Variants in RGSL1 observed in about 807,000 individuals in gnomAD.
The protein encoded by RGSL1 is regulator of G protein signaling protein-like.
A neutral mutation model predicts 124.7 loss-of-function variants in RGSL1; 97 were observed. The observed-to-expected ratio is 0.78, with a 90% CI of 0.66 to 0.92. The LOEUF is 0.92. RGSL1 is among the 40% of genes least tolerant of loss of function. The pLI is 0.00. For missense variants in RGSL1, 1,233 were observed against 1,288.4 expected, an observed-to-expected ratio of 0.96 and a Z score of 0.66; for synonymous variants, 424 against 438.1, an observed-to-expected ratio of 0.97 and a Z score of 0.40.
At chr1:182,499,985 T>C (rs1369211756) in intron 9 of RGSL1, among the ~76,000 whole-genome samples, 1 of 152,254 alleles carries the variant, frequency 6.6e-6, no homozygotes, top group Non-Finnish European at 1.5e-5. Context: ...ATGTTGATAA[T>C]GTTCTTTGAT....
chr1:182,497,385 T>C (rs1426203904), intron 9 of RGSL1, among the ~76,000 whole-genome samples: 1 of 149,870 alleles, frequency 6.7e-6, no homozygotes, highest in African/African-American at 2.4e-5. Flanking sequence ...TGTCAGGAGA[T>C]ATATATTTTT....
At chr1:182,516,318 G>T (rs905051303) in intron 9 of RGSL1, among the ~76,000 whole-genome samples, 1 of 152,162 alleles carries the variant, frequency 6.6e-6, no homozygotes, top group Admixed American at 6.5e-5. Context: ...AGTATTTCCC[G>T]TCTCTATCTC....
chr1:182,526,353 A>T (rs982438829), intron 10 of RGSL1, among the ~76,000 whole-genome samples: 9 of 152,158 alleles, frequency 5.9e-5, no homozygotes, highest in Non-Finnish European at 8.8e-5. Context: ...AATATTAGCA[A>T]ATCAAATCCA....
chr1:182,515,552 A>AGGG lies in RGSL1; in HGVS notation c.1826-6452_1826-6451insGGG, dbSNP rs1316033045. 1.0e-3 allele frequency among the ~76,000 whole-genome samples: 55 copies of AGGG among 53,382 alleles called. 1 individual carries two copies. The highest frequency in any genetic ancestry group is 9.6e-3 in the Middle Eastern group (1 of 104). 35.0% of individuals were successfully genotyped at this position (53,382 alleles called of 152,430 possible). A position where few individuals can be genotyped will look rare whatever the true frequency, so the allele number is the denominator to read the frequency against. ...AAACAGTTTAAAGTAAAAAAAAAAAAAGGGGGGGGCGGGGTGGAGGGCGTG... is the reference window on the plus strand; with the variant it reads ...AAACAGTTTAAAGTAAAAAAAAAAAAGGGAGGGGGGGGCGGGGTGGAGGGCGTG... On this transcript the variant is annotated intron_variant, in intron 9 of 21. Coordinates refer to ENST00000294854, the MANE Select transcript of RGSL1 (RefSeq NM_001137669.2).
At chr1:182,557,298 G>A (rs1264925983) in intron 21 of RGSL1, among the ~76,000 whole-genome samples, 2 of 152,206 alleles carry the variant, frequency 1.3e-5, no homozygotes, top group Non-Finnish European at 2.9e-5. Context: ...GAGTGGGCAT[G>A]AAACAGAATC....
chr1:182,552,709 C>T (rs986544010), intron 18 of RGSL1, among the ~76,000 whole-genome samples: 19 of 152,126 alleles, frequency 1.2e-4, no homozygotes, highest in South Asian at 6.2e-4. Context: ...ATTCAGGGGA[C>T]GGGGAAGTCC....
At position 182,492,320 on chromosome 1, in the gene RGSL1, G is replaced by C. The variant is rs534385906; in HGVS notation, c.1718-702G>C. The stretch of plus-strand genomic sequence containing the variant: ...GGCAACATGGCAAAAACCCGTCTCT[G>C]CAAAAGAACACATACATTTGCTACT... On this transcript the variant is annotated intron_variant, in intron 8 of 21. Coordinates refer to ENST00000294854, the MANE Select transcript of RGSL1 (RefSeq NM_001137669.2). Among the ~76,000 whole-genome samples, 7 of 152,268 alleles carry C rather than the reference G, an allele frequency of 4.6e-5. No individual in the cohort carries two copies. In the South Asian group the frequency reaches 1.5e-3, roughly 32 times the overall value.
At chr1:182,484,992 G>T (rs1654994534) in intron 6 of RGSL1, among the ~76,000 whole-genome samples, 1 of 152,118 alleles carries the variant, frequency 6.6e-6, no homozygotes, top group Non-Finnish European at 1.5e-5. Context: ...GTATAGCACG[G>T]TAGTCTTGCA....
chr1:182,459,951 T>C, intron 3 of RGSL1, 53 bp from the exon 4 acceptor site: 4 of 1,529,522 alleles, frequency 2.6e-6, no homozygotes, highest in Non-Finnish European at 3.5e-6. Context: ...TTGTATTTTT[T>C]TAGCAGTTCG....
At chr1:182,539,554 A>G (rs750642655) in intron 14 of RGSL1, among the ~76,000 whole-genome samples, 1 of 144,892 alleles carries the variant, frequency 6.9e-6, no homozygotes, top group Non-Finnish European at 1.5e-5. Flanking sequence ...GGTAAATTCT[A>G]GAGCCAGATT....
At chr1:182,498,954 G>A (rs1656147620) in intron 9 of RGSL1, among the ~76,000 whole-genome samples, 1 of 152,038 alleles carries the variant, frequency 6.6e-6, no homozygotes, top group Non-Finnish European at 1.5e-5. Context: ...CACCACACTT[G>A]GCTAATTTTT....
chr1:182,471,452 C>T, intron 4 of RGSL1: 1 of 436,436 alleles, frequency 2.3e-6, no homozygotes, highest in Non-Finnish European at 4.6e-6. Flanking sequence ...TGCCCTAAGC[C>T]CCAGTTAACA....
chr1:182,502,276 T>C (rs1305535121), intron 9 of RGSL1, among the ~76,000 whole-genome samples: 1 of 152,100 alleles, frequency 6.6e-6, no homozygotes, highest in Non-Finnish European at 1.5e-5. Context: ...ATTCCTTTCT[T>C]CTACTGGTTT....
In RGSL1 at chr1:182,453,565, G is replaced by C. The variant is rs147930088; in HGVS notation, c.14-393G>C. On this transcript the variant is annotated intron_variant, in intron 1 of 21. Transcript: ENST00000294854. Reference sequence around the variant, plus strand: ...CCAGTGGGGTTGGAGGTAAGCAGACGTCTGTGATGTCTTTATAAATACTGG... The same window carrying C: ...CCAGTGGGGTTGGAGGTAAGCAGACCTCTGTGATGTCTTTATAAATACTGG... 7 of 159,464 alleles carry C rather than the reference G, an allele frequency of 4.4e-5. No individual in the cohort carries two copies. In the East Asian group the frequency reaches 1.2e-3, roughly 28 times the overall value. The allele number at this position is 159,464 out of a possible 1,614,324, so 9.9% of individuals were successfully genotyped here. A position where few individuals can be genotyped will look rare whatever the true frequency, so the allele number is the denominator to read the frequency against.
rs1282528957 is a variant in RGSL1, at chr1:182,560,376, A to T, written c.*263A>T. The T allele has an allele frequency of 6.6e-6, 1 of 152,186 alleles. No homozygotes were observed. The highest frequency in any genetic ancestry group is 2.4e-5 in the African/African-American group (1 of 41,440). 9.4% of individuals were successfully genotyped at this position (152,186 alleles called of 1,614,324 possible). On this transcript the variant is annotated 3_prime_UTR_variant, in exon 22 of 22. Coordinates refer to ENST00000294854, the MANE Select transcript of RGSL1 (RefSeq NM_001137669.2). Reference sequence around the variant, plus strand: ...CTGAGACCTGCTGTCATCTATATAGAAGCCTTTCTGATACATGTCAGAGAG... The same window carrying T: ...CTGAGACCTGCTGTCATCTATATAGTAGCCTTTCTGATACATGTCAGAGAG...
intron 18 of RGSL1, among the ~76,000 whole-genome samples, chr1:182,552,820 GA>G (rs1204689353): frequency 3.9e-5 from 6 of 152,130 alleles, no homozygotes; most frequent in Non-Finnish European, 5.9e-5. Flanking sequence ...AGAGACAGCT[GA>G]ACTCACCTTT....
chr1:182,536,880 A>G (rs1271640071), intron 14 of RGSL1, among the ~76,000 whole-genome samples: 1 of 152,130 alleles, frequency 6.6e-6, no homozygotes, highest in Non-Finnish European at 1.5e-5. Context: ...CCCACAACAC[A>G]TGGGAATTCA....
At position 182,554,704 on chromosome 1, in the gene RGSL1, G is replaced by A. The variant is rs187073491; in HGVS notation, c.3197+11G>A. 22 of 1,551,530 alleles carry A rather than the reference G, an allele frequency of 1.4e-5. No individual in the cohort carries two copies. The highest frequency in any genetic ancestry group is 1.7e-4 in the Middle Eastern group (1 of 5,982). ...GCATCCCGTCCAGGGGTAGGCATGAGCTGGAAATCCTCTTCTTCAGTCCAG... is the reference window on the plus strand; with the variant it reads ...GCATCCCGTCCAGGGGTAGGCATGAACTGGAAATCCTCTTCTTCAGTCCAG... On this transcript the variant is annotated intron_variant, in intron 20 of 21. Transcript: ENST00000294854.
intron 9 of RGSL1, among the ~76,000 whole-genome samples, chr1:182,497,587 C>G (rs973524690): frequency 6.6e-6 from 1 of 151,954 alleles, no homozygotes; most frequent in African/African-American, 2.4e-5. Flanking sequence ...GGACATTCTC[C>G]CACAAAGCCA....
Sources: gnomAD v4.1 joint callset for allele counts (sites outside exome capture counted in the v4.1 genomes callset) on GRCh38, gnomAD v4.1.1 for gene constraint, MANE v1.5 for transcripts, NCBI Gene and HGNC (gene_info 2026-07-23, HGNC 2026-07-21) for gene names.